The following ACTR6 variants were observed in gnomAD, a reference collection of about 807,000 sequenced individuals.
ACTR6 encodes the protein actin related protein 6.
Under a neutral mutation model 52.5 loss-of-function variants are expected in ACTR6, and 50 were observed. That is an observed-to-expected ratio of 0.95 (90% confidence interval 0.76 to 1.20). The LOEUF is 1.20. ACTR6 is among the 50% of genes most tolerant of loss of function. ACTR6 has a pLI of 0.00. For missense variants in ACTR6, 344 were observed against 472.4 expected, an observed-to-expected ratio of 0.73 and a Z score of 2.52; for synonymous variants, 135 against 147.2, an observed-to-expected ratio of 0.92 and a Z score of 0.60.
rs1334547449 is a variant in ACTR6, at chr12:100,224,231, G to T, written c.*316G>T. Reference sequence around the variant, plus strand: ...TCATAGCTGAAAGCACAAATTTAACGGCTTCACTGGACAGTTTTCCTTAGA... The same window carrying T: ...TCATAGCTGAAAGCACAAATTTAACTGCTTCACTGGACAGTTTTCCTTAGA... On this transcript the variant is annotated 3_prime_UTR_variant, in exon 11 of 11. Transcript: ENST00000188312. 5.6e-6 allele frequency: 1 copy of T among 177,546 alleles called. No homozygotes were observed. Among genetic ancestry groups the T allele is most frequent in the Non-Finnish European group, 1.2e-5 (1 of 85,720 alleles). 11.0% of individuals were successfully genotyped at this position (177,546 alleles called of 1,614,324 possible).
chr12:100,202,519 A>G (rs1030827598), intron 1 of ACTR6, among the ~76,000 whole-genome samples: 2 of 152,100 alleles, frequency 1.3e-5, no homozygotes, highest in Non-Finnish European at 2.9e-5. Flanking sequence ...GTCATCTCGT[A>G]TACACATACA....
Position 100,200,979 on chromosome 12 carries a change from G to A in ACTR6, c.68+60G>A, listed in dbSNP as rs928535228. On this transcript the variant is annotated intron_variant, in intron 1 of 10. Transcript: ENST00000188312. ...TACGCCTAGTGGTTTCATGTGCTAC[G>A]TTTCATCTCCGGACATCAATGAACT... The A allele has an allele frequency of 6.2e-6, 10 of 1,612,056 alleles. No homozygotes were observed. In the Admixed American group the frequency reaches 1.0e-4, roughly 16 times the overall value.
At position 100,212,359 on chromosome 12, in the gene ACTR6, G is replaced by A; in HGVS notation, c.671+5G>A. 6.2e-7 allele frequency: 1 copy of A among 1,601,996 alleles called. No homozygotes were observed. On this transcript the variant is annotated splice_donor_5th_base_variant and intron_variant, in intron 7 of 10. Coordinates refer to ENST00000188312, the MANE Select transcript of ACTR6 (RefSeq NM_022496.5). ...TAGAGACATGGATATTGCAAAGTATGTATAATGACAATCTAAGAATTGGAA... is the reference window on the plus strand; with the variant it reads ...TAGAGACATGGATATTGCAAAGTATATATAATGACAATCTAAGAATTGGAA...
rs2096125808 is a variant in ACTR6 at position 100,218,806 on chromosome 12, G to T, written c.922+220G>T. Among the ~76,000 whole-genome samples the T allele has an allele frequency of 6.6e-6, 1 of 151,636 alleles. No homozygotes were observed. Among genetic ancestry groups the T allele is most frequent in the African/African-American group, 2.4e-5 (1 of 41,260 alleles). On this transcript the variant is annotated intron_variant, in intron 9 of 10. Coordinates refer to ENST00000188312, the MANE Select transcript of ACTR6 (RefSeq NM_022496.5). This position sits in a 1 kb window ranked among gnomAD's most constrained non-coding sequence, Gnocchi z 4.2. ...AATTCGATAGAGGAAAAATCATTAT[G>T]GTCCATTTAAACTTGAAGAAATGTA...
rs763253380 is a variant in ACTR6 at position 100,205,090 on chromosome 12, T to C, written c.186+33T>C. 9 of 1,315,876 alleles carry C rather than the reference T, an allele frequency of 6.8e-6. No individual in the cohort carries two copies. The South Asian group carries it at 1.1e-4, about 16-fold the overall frequency. The allele number at this position is 1,315,876 out of a possible 1,614,324, so 81.5% of individuals were successfully genotyped here. ...AATTAATTATGTTTCATTTCTAGCA[T>C]TGTAGACCTAAATTTAAAGATAATT... On this transcript the variant is annotated intron_variant, in intron 2 of 10. Transcript: ENST00000188312.
chr12:100,213,614 T>G (rs1014099292), intron 8 of ACTR6, among the ~76,000 whole-genome samples: 1 of 152,222 alleles, frequency 6.6e-6, no homozygotes, highest in Non-Finnish European at 1.5e-5. Context: ...AATTGGTTAT[T>G]TTCCTATTGT....
intron 10 of ACTR6, among the ~76,000 whole-genome samples, chr12:100,222,688 A>G (rs76877491): frequency 0.015 from 2,338 of 152,294 alleles, 69 homozygotes; most frequent in African/African-American, 0.053. Context: ...GGTATATGCC[A>G]TCATACTTGG....
intron 9 of ACTR6, among the ~76,000 whole-genome samples, chr12:100,219,335 G>A (rs1409576673): frequency 1.3e-5 from 2 of 152,050 alleles, no homozygotes; most frequent in Non-Finnish European, 2.9e-5. Context: ...AGGAAACTCT[G>A]CCCTTGTTTT....
At chr12:100,220,531 C>G (rs1592849371) in intron 10 of ACTR6, among the ~76,000 whole-genome samples, 1 of 152,030 alleles carries the variant, frequency 6.6e-6, no homozygotes, top group Admixed American at 6.6e-5. Flanking sequence ...ATAATTGAAC[C>G]ATTGTGATAA....
chr12:100,201,700 A>G (rs982953199), intron 1 of ACTR6, among the ~76,000 whole-genome samples: 3 of 152,132 alleles, frequency 2.0e-5, no homozygotes, highest in African/African-American at 7.2e-5. Context: ...GTGCGATCTC[A>G]GCTCACTGCA....
At chr12:100,214,868 ACTGGAAGCCCAAGTC>A (rs2096122791) in intron 8 of ACTR6, among the ~76,000 whole-genome samples, 1 of 152,188 alleles carries the variant, frequency 6.6e-6, no homozygotes, top group South Asian at 2.1e-4. Context: ...GTAGAGAGAA[ACTGGAAGCCCAAGTC>A]CTGGCTAAGA....
At chr12:100,223,666 C>A in intron 10 of ACTR6, 120 bp from the exon 11 acceptor site, 2 of 1,268,634 alleles carry the variant, frequency 1.6e-6, no homozygotes, top group Non-Finnish European at 2.2e-6. Flanking sequence ...TAGAGCTTGC[C>A]ACATTTTAAT....
In ACTR6 at chr12:100,204,848, G is replaced by T. The variant is rs151269015; in HGVS notation, c.69-92G>T. The T allele has an allele frequency of 8.9e-6, 7 of 783,018 alleles. No homozygotes were observed. In the East Asian group the frequency reaches 1.8e-4, roughly 20 times the overall value. The allele number at this position is 783,018 out of a possible 1,614,324, so 48.5% of individuals were successfully genotyped here. On this transcript the variant is annotated intron_variant, in intron 1 of 10. Coordinates refer to ENST00000188312, the MANE Select transcript of ACTR6 (RefSeq NM_022496.5). ...ACTGGATATACCAATCTTAGGATAC[G>T]CTAATCTTTTGGCATCAAGAGTGGT...
chr12:100,219,244 A>G (rs1369494316), intron 9 of ACTR6, among the ~76,000 whole-genome samples: 1 of 151,952 alleles, frequency 6.6e-6, no homozygotes, highest in Non-Finnish European at 1.5e-5. Context: ...CATTTTATAT[A>G]AAGTTGCAGT....
chr12:100,205,187 A>T, intron 2 of ACTR6, 130 bp downstream of exon 2: 3 of 556,780 alleles, frequency 5.4e-6, no homozygotes, highest in Non-Finnish European at 9.1e-6. Context: ...ATTAAAATTT[A>T]ATTGTTTGGG....
At chr12:100,205,773 C>G in intron 3 of ACTR6, 29 bp downstream of exon 3, 3 of 1,256,974 alleles carry the variant, frequency 2.4e-6, no homozygotes, top group Non-Finnish European at 2.2e-6. Context: ...TATTAAAATT[C>G]TATTTCCATG....
At chr12:100,205,080 A>G in intron 2 of ACTR6, 23 bp downstream of exon 2, 1 of 1,418,564 alleles carries the variant, frequency 7.0e-7, no homozygotes, top group South Asian at 1.3e-5. Flanking sequence ...ATTATGTTTC[A>G]TTTCTAGCAT....
At chr12:100,219,972 C>A in intron 9 of ACTR6, 36 bp from the exon 10 acceptor site, 3 of 1,605,590 alleles carry the variant, frequency 1.9e-6, no homozygotes, top group Non-Finnish European at 2.6e-6. Context: ...TTTCTAATGC[C>A]TTTTTTCCTT....
At chr12:100,201,067 GAT>G (rs1220131287) in intron 1 of ACTR6, 148 bp downstream of exon 1, 1 of 1,502,034 alleles carries the variant, frequency 6.7e-7, no homozygotes, top group Non-Finnish European at 8.9e-7. Flanking sequence ...CTGGGTGGGT[GAT>G]TGTGATGCTT....
Sources: gnomAD v4.1 joint callset for allele counts (sites outside exome capture counted in the v4.1 genomes callset) on GRCh38, gnomAD v4.1.1 for gene constraint, Gnocchi (gnomAD v3.1) non-coding constraint, MANE v1.5 for transcripts, NCBI Gene and HGNC (gene_info 2026-07-23, HGNC 2026-07-21) for gene names.